POLA1: variants seen among roughly 807,000 people sequenced by gnomAD.
The protein encoded by POLA1 is DNA polymerase alpha catalytic subunit.
POLA1 carries 15 observed loss-of-function variants against 124.0 expected under a neutral mutation model. That is an observed-to-expected ratio of 0.12 (90% CI 0.08 to 0.19). The LOEUF is 0.19. Among genes scored for constraint, POLA1 ranks in the 10% least tolerant of loss-of-function variants. The probability of loss-of-function intolerance (pLI) is 1.00; values close to 1 mark genes in which losing one functional copy is unlikely to be tolerated. For missense variants in POLA1, 886 were observed against 1,103.4 expected (o/e 0.80, Z 2.79); for synonymous variants, 408 against 389.4 (o/e 1.05, Z -0.56).
chrX:24,941,416 A>G (rs914801828), intron 36 of POLA1, among the ~76,000 whole-genome samples: 1 of 112,056 alleles, frequency 8.9e-6, no homozygotes, highest in Non-Finnish European at 1.9e-5. Flanking sequence ...TCATTATCCT[A>G]TAATTCTTGA....
chrX:24,735,894 CTA>C (rs1276366962), intron 18 of POLA1, among the ~76,000 whole-genome samples: 3 of 111,491 alleles, frequency 2.7e-5, no homozygotes, highest in African/African-American at 9.8e-5. Context: ...CAGTGGATCT[CTA>C]TGACATATTC....
intron 26 of POLA1, among the ~76,000 whole-genome samples, chrX:24,761,444 A>T (rs924394862): frequency 9.1e-6 from 1 of 110,449 alleles, no homozygotes; most frequent in African/African-American, 3.3e-5. Context: ...CCTGTGCAGG[A>T]GGGTGGTGTG....
At chrX:24,874,984 C>T (rs2046912305) in intron 34 of POLA1, among the ~76,000 whole-genome samples, 1 of 111,793 alleles carries the variant, frequency 8.9e-6, no homozygotes. Flanking sequence ...AATATACCTG[C>T]TAAGTGTTTG....
intron 35 of POLA1, among the ~76,000 whole-genome samples, chrX:24,902,826 G>A (rs941965666): frequency 1.8e-5 from 2 of 112,057 alleles, no homozygotes; most frequent in Non-Finnish European, 3.8e-5. Context: ...AAAGGATATA[G>A]GAACCTAAAC....
At chrX:24,927,809 A>G (rs2047717353) in intron 35 of POLA1, among the ~76,000 whole-genome samples, 1 of 112,391 alleles carries the variant, frequency 8.9e-6, no homozygotes, top group South Asian at 3.6e-4. Context: ...ATGAGCATTT[A>G]AGTGTGAGGA....
At chrX:24,788,678 GCTTT>G in intron 26 of POLA1, 1 of 1,201,103 alleles carries the variant, frequency 8.3e-7, no homozygotes, top group Admixed American at 2.2e-5. Flanking sequence ...AGGTTTTTTG[GCTTT>G]CTTTGATTCA....
intron 36 of POLA1, among the ~76,000 whole-genome samples, chrX:24,944,937 A>G (rs1205950050): frequency 2.7e-5 from 3 of 112,026 alleles, no homozygotes; most frequent in African/African-American, 9.7e-5. Context: ...TTCTGCTAGC[A>G]TTTGTTGAAC....
At chrX:24,809,635 T>C (rs975860579) in intron 26 of POLA1, among the ~76,000 whole-genome samples, 1 of 111,624 alleles carries the variant, frequency 9.0e-6, no homozygotes, top group Non-Finnish European at 1.9e-5. Flanking sequence ...TTTTTTGCCA[T>C]GTTATAGAGA....
chrX:24,713,499 C>T (rs957405574), intron 4 of POLA1, among the ~76,000 whole-genome samples: 10 of 110,845 alleles, frequency 9.0e-5, no homozygotes, highest in African/African-American at 3.3e-4. Flanking sequence ...TCACTGCAAT[C>T]TCGCCTCCGG....
chrX:24,751,810 G>A (rs1932337063), intron 26 of POLA1, among the ~76,000 whole-genome samples: 1 of 111,986 alleles, frequency 8.9e-6, no homozygotes, highest in Non-Finnish European at 1.9e-5. Flanking sequence ...GTGAAAATGA[G>A]AGCCAGTGTG....
At chrX:24,752,728 TAAAG>T (rs1369954163) in intron 26 of POLA1, among the ~76,000 whole-genome samples, 4 of 112,144 alleles carry the variant, frequency 3.6e-5, no homozygotes, top group South Asian at 3.7e-4. Flanking sequence ...TTGGAACTAT[TAAAG>T]AAAAGCTAAA....
intron 26 of POLA1, among the ~76,000 whole-genome samples, chrX:24,766,845 C>T (rs780884347): frequency 3.6e-5 from 4 of 111,288 alleles, no homozygotes; most frequent in East Asian, 2.8e-4. Flanking sequence ...AGATATGGAT[C>T]GTAGATTAAA....
intron 33 of POLA1, 92 bp from the exon 34 acceptor site, chrX:24,843,454 T>C (rs967384428): frequency 3.0e-5 from 17 of 572,958 alleles, no homozygotes; most frequent in Non-Finnish European, 4.2e-5. Flanking sequence ...ATTAAGAATA[T>C]TCAACACTAG....
chrX:24,932,524 C>T (rs1434437962), intron 36 of POLA1, among the ~76,000 whole-genome samples: 1 of 112,086 alleles, frequency 8.9e-6, no homozygotes, highest in South Asian at 3.8e-4. Context: ...AGGATCTGTA[C>T]ACTCAGAGTT....
chrX:24,949,107 T>G (rs907255345), intron 36 of POLA1, among the ~76,000 whole-genome samples: 9 of 112,145 alleles, frequency 8.0e-5, no homozygotes, highest in Non-Finnish European at 1.7e-4. Context: ...TGTGCATTTA[T>G]TTGTAAGTGT....
chrX:24,774,936 T>C (rs756018850), intron 26 of POLA1, among the ~76,000 whole-genome samples: 2 of 112,605 alleles, frequency 1.8e-5, no homozygotes, highest in African/African-American at 3.2e-5. Context: ...CTTGGTATTA[T>C]CTTGAAAGCA....
chrX:24,796,335 T>C (rs2045604927), intron 26 of POLA1, among the ~76,000 whole-genome samples: 1 of 111,773 alleles, frequency 8.9e-6, no homozygotes, highest in Non-Finnish European at 1.9e-5. Flanking sequence ...TTATTTGTAT[T>C]AAGCACTAGC....
At chrX:24,715,644 C>CA (rs1929781423) in intron 6 of POLA1, among the ~76,000 whole-genome samples, 1 of 111,290 alleles carries the variant, frequency 9.0e-6, no homozygotes, top group Non-Finnish European at 1.9e-5. Flanking sequence ...AACCCCCCAC[C>CA]AAAAAACAAA....
Position 24,716,461 on chromosome X carries a change from T to C in POLA1, c.618+7T>C, listed in dbSNP as rs772377278. On this transcript the variant is annotated splice_region_variant and intron_variant, in intron 7 of 36. Transcript: ENST00000379068. ...CTCTGTGCACACCGCCACGGTAAAG[T>C]GTGTAGAGATACCTTCAATCTTGAT... The C allele has an allele frequency of 1.0e-6, 1 of 994,620 alleles. No homozygotes were observed. Among genetic ancestry groups the C allele is most frequent in the Non-Finnish European group, 1.4e-6 (1 of 698,463 alleles). The allele number at this position is 994,620 out of a possible 1,213,427, so 82.0% of individuals were successfully genotyped here.
Sources: gnomAD v4.1 joint callset for allele counts (sites outside exome capture counted in the v4.1 genomes callset) on GRCh38, gnomAD v4.1.1 for gene constraint, MANE v1.5 for transcripts, NCBI Gene and HGNC (gene_info 2026-07-23, HGNC 2026-07-21) for gene names.